Variants in CTNNA3 observed in about 807,000 individuals in gnomAD.
CTNNA3 encodes the protein catenin alpha 3.
CTNNA3 carries 76 observed loss-of-function variants against 95.7 expected under a neutral mutation model. The ratio of observed to expected loss-of-function variants is 0.79; its 90% CI spans 0.66 to 0.96. The LOEUF is 0.96. Among genes scored for constraint, CTNNA3 ranks in the 40% least tolerant of loss-of-function variants. CTNNA3 has a pLI of 0.00. For missense variants in CTNNA3, 1,191 were observed against 1,089.8 expected, an observed-to-expected ratio of 1.09 and a Z score of -1.31; for synonymous variants, 431 against 374.4, an observed-to-expected ratio of 1.15 and a Z score of -1.74.
intron 9 of CTNNA3, among the ~76,000 whole-genome samples, chr10:66,628,509 T>C (rs1845018912): frequency 6.6e-6 from 1 of 152,154 alleles, no homozygotes; most frequent in African/African-American, 2.4e-5. Context: ...ATTAGACAAA[T>C]CTGTAGCAAA....
At chr10:67,609,192 T>C (rs114390104) in intron 2 of CTNNA3, among the ~76,000 whole-genome samples, 1,559 of 150,566 alleles carry the variant, frequency 0.01, 24 homozygotes, top group African/African-American at 0.036. Flanking sequence ...AAAATCACCA[T>C]CGTAGAGGAA....
At chr10:66,203,599 A>G (rs967881664) in intron 13 of CTNNA3, among the ~76,000 whole-genome samples, 2 of 152,198 alleles carry the variant, frequency 1.3e-5, no homozygotes, top group Admixed American at 6.5e-5. Flanking sequence ...AACATCACCA[A>G]AGAAAGATGC....
At chr10:67,338,399 C>T (rs373894507) in intron 5 of CTNNA3, among the ~76,000 whole-genome samples, 6 of 152,080 alleles carry the variant, frequency 3.9e-5, no homozygotes, top group South Asian at 2.1e-4. Flanking sequence ...TATGAGGGAC[C>T]GAGGGACCTG....
At chr10:67,687,223 G>C (rs1046835511) in intron 1 of CTNNA3, among the ~76,000 whole-genome samples, 1 of 152,166 alleles carries the variant, frequency 6.6e-6, no homozygotes, top group Non-Finnish European at 1.5e-5. Flanking sequence ...GGCTCAGTGA[G>C]GGTGATGACA....
At chr10:66,480,352 T>A (rs545832798) in intron 11 of CTNNA3, among the ~76,000 whole-genome samples, 127 of 151,182 alleles carry the variant, frequency 8.4e-4, no homozygotes, top group Non-Finnish European at 1.4e-3. Flanking sequence ...AGAAGTAAAA[T>A]TATTTATTTG....
intron 17 of CTNNA3, among the ~76,000 whole-genome samples, chr10:65,932,715 A>G (rs887723185): frequency 6.6e-6 from 1 of 152,168 alleles, no homozygotes; most frequent in Non-Finnish European, 1.5e-5. Flanking sequence ...AGGTCTCCCA[A>G]CACAGTCTTC....
At chr10:66,239,173 TTA>T (rs2089994969) in intron 13 of CTNNA3, among the ~76,000 whole-genome samples, 1 of 150,952 alleles carries the variant, frequency 6.6e-6, no homozygotes, top group Non-Finnish European at 1.5e-5. Context: ...AATTACAATT[TTA>T]TTTTATAATT....
At chr10:66,672,747 A>G (rs939008252) in intron 9 of CTNNA3, among the ~76,000 whole-genome samples, 1 of 152,030 alleles carries the variant, frequency 6.6e-6, no homozygotes, top group African/African-American at 2.4e-5. Flanking sequence ...AACACCCACT[A>G]TCTTAATACC....
At chr10:66,118,937 G>T (rs2082454162) in intron 13 of CTNNA3, among the ~76,000 whole-genome samples, 1 of 151,924 alleles carries the variant, frequency 6.6e-6, no homozygotes, top group African/African-American at 2.4e-5. Context: ...GAGAGACAGG[G>T]TCTCCCTATG....
intron 16 of CTNNA3, among the ~76,000 whole-genome samples, chr10:65,973,543 G>C (rs1422745882): frequency 1.3e-5 from 2 of 152,124 alleles, no homozygotes; most frequent in Non-Finnish European, 2.9e-5. Context: ...GTACGAGTTA[G>C]GTCATTCTTG....
intron 9 of CTNNA3, among the ~76,000 whole-genome samples, chr10:66,738,893 T>C (rs949268161): frequency 6.6e-6 from 1 of 152,202 alleles, no homozygotes; most frequent in Non-Finnish European, 1.5e-5. Flanking sequence ...CTACTTATAA[T>C]TTGCTTTATA....
At chr10:66,589,873 TGTGATA>T (rs1843487635) in intron 10 of CTNNA3, among the ~76,000 whole-genome samples, 9 of 152,130 alleles carry the variant, frequency 5.9e-5, no homozygotes, top group Non-Finnish European at 1.0e-4. Context: ...CTCAGTGTAC[TGTGATA>T]TATGAATTGT....
chr10:66,144,486 T>G (rs531736874), intron 13 of CTNNA3, among the ~76,000 whole-genome samples: 1 of 151,866 alleles, frequency 6.6e-6, no homozygotes, highest in African/African-American at 2.4e-5. Flanking sequence ...TTTATATTTA[T>G]TTATTTATTT....
chr10:65,961,260 G>T (rs564298344), intron 17 of CTNNA3, among the ~76,000 whole-genome samples: 3 of 152,006 alleles, frequency 2.0e-5, no homozygotes, highest in African/African-American at 7.2e-5. Context: ...TTGGAAAATT[G>T]AGTCTGTGCC....
At chr10:66,859,917 CA>C (rs1245203062) in intron 7 of CTNNA3, among the ~76,000 whole-genome samples, 16 of 129,630 alleles carry the variant, frequency 1.2e-4, no homozygotes, top group African/African-American at 4.2e-4. Flanking sequence ...ATCGCAAGGA[CA>C]AAAAACCAAA....
intron 13 of CTNNA3, among the ~76,000 whole-genome samples, chr10:66,270,286 C>T (rs1362069684): frequency 6.6e-6 from 1 of 150,640 alleles, no homozygotes; most frequent in African/African-American, 2.5e-5. Context: ...GAAACTGTAG[C>T]CTCGATCCCC....
intron 9 of CTNNA3, among the ~76,000 whole-genome samples, chr10:66,638,623 T>C (rs1417985743): frequency 6.6e-6 from 1 of 152,110 alleles, no homozygotes; most frequent in Non-Finnish European, 1.5e-5. Flanking sequence ...CACATCCTCT[T>C]TTTTCAAGGC....
chr10:67,075,190 T>A (rs201470446), intron 7 of CTNNA3, among the ~76,000 whole-genome samples: 8 of 62,416 alleles, frequency 1.3e-4, no homozygotes, highest in African/African-American at 8.0e-4. Context: ...ACACACACAC[T>A]CACACACTAC....
At chr10:66,086,964 G>A (rs1362076512) in intron 14 of CTNNA3, among the ~76,000 whole-genome samples, 2 of 152,074 alleles carry the variant, frequency 1.3e-5, no homozygotes, top group Non-Finnish European at 2.9e-5. Flanking sequence ...GAAAAATCAA[G>A]TTACAAGCAT....
Sources: allele counts gnomAD v4.1 joint callset (sites outside exome capture counted in the v4.1 genomes callset), GRCh38; gene constraint gnomAD v4.1.1; transcripts MANE v1.5; gene names NCBI Gene and HGNC (gene_info 2026-07-23, HGNC 2026-07-21).